The following SLCO1B1 variants were observed in gnomAD, a reference collection of about 807,000 sequenced individuals.
The protein encoded by SLCO1B1 is OATP-2.
In SLCO1B1, 81 loss-of-function variants were observed where a neutral mutation model predicts 70.1. The ratio of observed to expected loss-of-function variants is 1.16; its 90% CI spans 0.97 to 1.39. The LOEUF is 1.39. Among genes scored for constraint, SLCO1B1 ranks in the 40% most tolerant of loss-of-function variants. The pLI is 0.00. For synonymous variants in SLCO1B1, 283 were observed against 271.5 expected, an observed-to-expected ratio of 1.04 and a Z score of -0.42; for missense variants, 895 against 799.6, an observed-to-expected ratio of 1.12 and a Z score of -1.44.
rs73244896 is a variant in SLCO1B1, at chr12:21,160,211, G to A, written c.85-12439G>A. ...AGAATAAAGCTAGAGACATCATGCC[G>A]TCTGATTTCAAACTATACTACAGGA... On this transcript the variant is annotated intron_variant, in intron 2 of 14. Coordinates refer to ENST00000256958, the MANE Select transcript of SLCO1B1 (RefSeq NM_006446.5). Among the ~76,000 whole-genome samples, 586 of 151,166 alleles carry A rather than the reference G, an allele frequency of 3.9e-3. 3 individuals carry two copies. The highest frequency in any genetic ancestry group is 0.013 in the African/African-American group (546 of 41,240).
chr12:21,169,416 T>C (rs1940731281), intron 2 of SLCO1B1, among the ~76,000 whole-genome samples: 1 of 152,134 alleles, frequency 6.6e-6, no homozygotes, highest in African/African-American at 2.4e-5. Context: ...TAGGCTCTTC[T>C]TTTCTTTTTG....
chr12:21,196,492 G>T (rs542968621), intron 7 of SLCO1B1, among the ~76,000 whole-genome samples: 1 of 152,210 alleles, frequency 6.6e-6, no homozygotes, highest in African/African-American at 2.4e-5. Flanking sequence ...CTTATTTCAG[G>T]CATGGTGGGA....
chr12:21,206,985 T>C (rs11045860), intron 11 of SLCO1B1, among the ~76,000 whole-genome samples: 160 of 152,066 alleles, frequency 1.1e-3, no homozygotes, highest in Non-Finnish European at 1.7e-3. Flanking sequence ...CCTGGACTTT[T>C]TGAAGAAAGG....
intron 10 of SLCO1B1, among the ~76,000 whole-genome samples, chr12:21,203,563 A>T (rs1192220852): frequency 1.3e-5 from 2 of 151,970 alleles, no homozygotes; most frequent in African/African-American, 4.8e-5. Context: ...GTTGGTTTTA[A>T]CTTGTCAAAT....
At chr12:21,209,313 G>T (rs994557752) in intron 11 of SLCO1B1, among the ~76,000 whole-genome samples, 4 of 151,858 alleles carry the variant, frequency 2.6e-5, no homozygotes, top group African/African-American at 9.7e-5. Flanking sequence ...GCGGTGTTTG[G>T]TTTTTTGTTC....
intron 10 of SLCO1B1, among the ~76,000 whole-genome samples, chr12:21,204,276 A>G (rs966085585): frequency 2.6e-5 from 4 of 151,950 alleles, no homozygotes; most frequent in Non-Finnish European, 4.4e-5. Context: ...TTGCCTTTTT[A>G]TTCTCATGCT....
Position 21,214,415 on chromosome 12 carries a change from C to G in SLCO1B1, c.1498-2704C>G, listed in dbSNP as rs990756166. Among the ~76,000 whole-genome samples, 3 of 147,500 alleles carry G rather than the reference C, an allele frequency of 2.0e-5. 1 individual carries two copies. The highest frequency in any genetic ancestry group is 7.7e-5 in the African/African-American group (3 of 39,132). ...GGACCCACTTGAGGAGGCAGTGTGCCCGTTCTCAGATCTCCAGCTGCGTGC... is the reference window on the plus strand; with the variant it reads ...GGACCCACTTGAGGAGGCAGTGTGCGCGTTCTCAGATCTCCAGCTGCGTGC... On this transcript the variant is annotated intron_variant, in intron 11 of 14. Coordinates refer to ENST00000256958, the MANE Select transcript of SLCO1B1 (RefSeq NM_006446.5).
intron 2 of SLCO1B1, among the ~76,000 whole-genome samples, chr12:21,155,160 A>C (rs910394552): frequency 6.6e-6 from 1 of 151,378 alleles, no homozygotes; most frequent in Admixed American, 6.6e-5. Flanking sequence ...ATTTCTTTAA[A>C]TATTTCTCCT....
chr12:21,213,600 G>C (rs1229922304), intron 11 of SLCO1B1, among the ~76,000 whole-genome samples: 61 of 135,816 alleles, frequency 4.5e-4, no homozygotes, highest in African/African-American at 1.4e-3. Context: ...TCCTGAATCT[G>C]AACGTTGGCC....
chr12:21,165,066 G>T (rs950092536), intron 2 of SLCO1B1, among the ~76,000 whole-genome samples: 3 of 152,078 alleles, frequency 2.0e-5, no homozygotes, highest in Admixed American at 6.6e-5. Context: ...GAGTAAATCA[G>T]TTGAGTTCCA....
chr12:21,154,238 AG>A (rs1940510951), intron 2 of SLCO1B1, among the ~76,000 whole-genome samples: 1 of 152,060 alleles, frequency 6.6e-6, no homozygotes, highest in African/African-American at 2.4e-5. Context: ...ATAATCACCA[AG>A]GTGATTCTAT....
intron 1 of SLCO1B1, among the ~76,000 whole-genome samples, chr12:21,139,252 G>T (rs2121034888): frequency 6.6e-6 from 1 of 152,110 alleles, no homozygotes; most frequent in African/African-American, 2.4e-5. Context: ...AGATATTCAT[G>T]GAAAAAATGG....
chr12:21,134,926 G>A (rs796340788), intron 1 of SLCO1B1, among the ~76,000 whole-genome samples: 116 of 151,912 alleles, frequency 7.6e-4, no homozygotes, highest in African/African-American at 2.4e-3. Flanking sequence ...TTGTGATGTT[G>A]GGGTGTCAAT....
chr12:21,184,879 A>T (rs1032754060), intron 7 of SLCO1B1, among the ~76,000 whole-genome samples: 3 of 152,200 alleles, frequency 2.0e-5, no homozygotes, highest in African/African-American at 7.2e-5. Context: ...TCTTACATGT[A>T]CAATACCCAC....
intron 7 of SLCO1B1, among the ~76,000 whole-genome samples, chr12:21,189,151 A>G (rs1163659522): frequency 6.6e-6 from 1 of 152,196 alleles, no homozygotes; most frequent in Non-Finnish European, 1.5e-5. Flanking sequence ...GCTGGGTCAT[A>G]TGAGAGTTCT....
intron 2 of SLCO1B1, among the ~76,000 whole-genome samples, chr12:21,158,513 G>T (rs1401303868): frequency 6.6e-6 from 1 of 152,122 alleles, no homozygotes; most frequent in Admixed American, 6.5e-5. Context: ...GGCCAACATA[G>T]TGAAACCCCA....
chr12:21,156,463 C>G (rs1940544414), intron 2 of SLCO1B1, among the ~76,000 whole-genome samples: 1 of 151,966 alleles, frequency 6.6e-6, no homozygotes, highest in South Asian at 2.1e-4. Context: ...TTAATCAAAT[C>G]AGCACAGAAA....
chr12:21,237,289 A>G (rs1359196411), intron 14 of SLCO1B1, among the ~76,000 whole-genome samples: 1 of 152,196 alleles, frequency 6.6e-6, no homozygotes, highest in Non-Finnish European at 1.5e-5. Context: ...TGTACTGGAA[A>G]AACATTTCTT....
intron 5 of SLCO1B1, among the ~76,000 whole-genome samples, chr12:21,177,335 A>G (rs1463567898): frequency 6.6e-6 from 1 of 152,174 alleles, no homozygotes; most frequent in Non-Finnish European, 1.5e-5. Flanking sequence ...TTGACAAAGA[A>G]TATATGCATT....
Sources: gnomAD v4.1 joint callset for allele counts (sites outside exome capture counted in the v4.1 genomes callset) on GRCh38, gnomAD v4.1.1 for gene constraint, MANE v1.5 for transcripts, NCBI Gene and HGNC (gene_info 2026-07-23, HGNC 2026-07-21) for gene names.